The following HDAC9 variants were observed in gnomAD, a reference collection of about 807,000 sequenced individuals.
HDAC9 encodes the protein histone deacetylase 9.
A neutral mutation model predicts 139.4 loss-of-function variants in HDAC9; 41 were observed. The observed-to-expected ratio is 0.29, with a 90% CI of 0.23 to 0.38. The LOEUF (loss-of-function observed/expected upper bound fraction) is 0.38. Among genes scored for constraint, HDAC9 ranks in the 10% least tolerant of loss-of-function variants. The probability of loss-of-function intolerance (pLI) is 1.00; values close to 1 mark genes in which losing one functional copy is unlikely to be tolerated. For missense variants in HDAC9, 1,147 were observed against 1,297.0 expected (o/e 0.88, Z 1.78); for synonymous variants, 517 against 476.2 (o/e 1.09, Z -1.12).
chr7:18,801,980 T>C (rs1793334301), intron 17 of HDAC9, among the ~76,000 whole-genome samples: 1 of 151,954 alleles, frequency 6.6e-6, no homozygotes, highest in Non-Finnish European at 1.5e-5. Flanking sequence ...GTCAGAAGTT[T>C]GACAATTCTC....
intron 24 of HDAC9, among the ~76,000 whole-genome samples, chr7:18,965,989 T>C (rs1358669343): frequency 1.3e-5 from 2 of 152,200 alleles, no homozygotes; most frequent in African/African-American, 2.4e-5. Context: ...CAACATCTCA[T>C]CCAGATACTG....
intron 2 of HDAC9, among the ~76,000 whole-genome samples, chr7:18,279,671 G>A (rs28534513): frequency 0.39 from 58,949 of 151,434 alleles, 12,940 homozygotes; most frequent in Admixed American, 0.49. Flanking sequence ...TCACCATGTT[G>A]GCCAGGCTGG....
intron 2 of HDAC9, among the ~76,000 whole-genome samples, chr7:18,503,482 A>C (rs1798937479): frequency 6.6e-6 from 1 of 152,208 alleles, no homozygotes; most frequent in Admixed American, 6.5e-5. Context: ...AGTTGCTATG[A>C]TTCATGAATA....
At chr7:18,918,941 C>A (rs1178232329) in intron 22 of HDAC9, among the ~76,000 whole-genome samples, 1 of 151,976 alleles carries the variant, frequency 6.6e-6, no homozygotes, top group African/African-American at 2.4e-5. Context: ...GCCCAAGTTG[C>A]TTTTGTTTAG....
intron 13 of HDAC9, among the ~76,000 whole-genome samples, chr7:18,739,789 T>G (rs183037070): frequency 3.3e-5 from 5 of 152,272 alleles, no homozygotes; most frequent in Non-Finnish European, 7.4e-5. Context: ...GAGAACCACT[T>G]CTCTCTTCAG....
chr7:18,837,984 T>C (rs1294673847), intron 21 of HDAC9, among the ~76,000 whole-genome samples: 1 of 152,062 alleles, frequency 6.6e-6, no homozygotes, highest in Non-Finnish European at 1.5e-5. Context: ...GAAGTGGCAT[T>C]ATCTAGCTAG....
intron 2 of HDAC9, among the ~76,000 whole-genome samples, chr7:18,573,814 C>G (rs1825081474): frequency 6.6e-6 from 1 of 152,146 alleles, no homozygotes; most frequent in African/African-American, 2.4e-5. Context: ...CTTGGAGATG[C>G]CTGGAACCAC....
intron 1 of HDAC9, among the ~76,000 whole-genome samples, chr7:18,383,286 T>G (rs1785602918): frequency 6.6e-6 from 1 of 152,234 alleles, no homozygotes; most frequent in African/African-American, 2.4e-5. Context: ...ACAGTTACCT[T>G]CTTTCCCCAT....
At chr7:18,810,828 C>A (rs1333998173) in intron 17 of HDAC9, among the ~76,000 whole-genome samples, 1 of 151,780 alleles carries the variant, frequency 6.6e-6, no homozygotes, top group Non-Finnish European at 1.5e-5. Flanking sequence ...TACATCCATG[C>A]TCTTGCATGG....
chr7:18,138,425 G>A lies in HDAC9; in HGVS notation c.-96-23804G>A, dbSNP rs1257774247. On this transcript the variant is annotated intron_variant, in intron 1 of 12. Transcript: ENST00000417496. ...GGTGTAAGAAGGGTTTAGAACTCCT[G>A]GTTTTAGGAGATGGAGGGAGTGTGG... is the stretch of plus-strand genomic sequence containing the variant. 2.6e-5 allele frequency among the ~76,000 whole-genome samples: 4 copies of A among 152,022 alleles called. No homozygotes were observed. The East Asian group carries it at 7.7e-4, about 29-fold the overall frequency.
At chr7:18,520,425 C>G (rs1201909673) in intron 2 of HDAC9, among the ~76,000 whole-genome samples, 1 of 152,058 alleles carries the variant, frequency 6.6e-6, no homozygotes, top group East Asian at 1.9e-4. Context: ...GAAAATTTTT[C>G]TGAATAATTA....
At chr7:18,134,690 A>G (rs1403217205) in intron 1 of HDAC9, among the ~76,000 whole-genome samples, 1 of 152,144 alleles carries the variant, frequency 6.6e-6, no homozygotes, top group Non-Finnish European at 1.5e-5. Flanking sequence ...CCTCATCTCC[A>G]TGCCCGTTCT....
chr7:18,877,913 C>T (rs1235005954), intron 22 of HDAC9, among the ~76,000 whole-genome samples: 1 of 152,122 alleles, frequency 6.6e-6, no homozygotes, highest in African/African-American at 2.4e-5. Context: ...TTTTAATCAA[C>T]AATCTGAATT....
intron 2 of HDAC9, among the ~76,000 whole-genome samples, chr7:18,245,486 G>A (rs1794464791): frequency 6.6e-6 from 1 of 152,086 alleles, no homozygotes; most frequent in Non-Finnish European, 1.5e-5. Flanking sequence ...TACTCAGGAG[G>A]CTGAGGCGGG....
chr7:18,613,419 A>C (rs1554281015), intron 6 of HDAC9, among the ~76,000 whole-genome samples: 1 of 152,124 alleles, frequency 6.6e-6, no homozygotes, highest in Non-Finnish European at 1.5e-5. Context: ...GAGCGGATTA[A>C]GGGACATTTT....
intron 7 of HDAC9, among the ~76,000 whole-genome samples, 189 bp downstream of exon 7, chr7:18,629,670 G>T (rs1438231961): frequency 2.6e-5 from 4 of 152,030 alleles, no homozygotes. Flanking sequence ...TGTTAAACAG[G>T]AAATGAATGA....
At chr7:18,683,804 T>C (rs533437832) in intron 12 of HDAC9, among the ~76,000 whole-genome samples, 7 of 152,140 alleles carry the variant, frequency 4.6e-5, no homozygotes, top group East Asian at 3.9e-4. Flanking sequence ...GTCTGAGATA[T>C]TGGGAGTTGA....
chr7:18,549,641 G>A (rs1816419985), intron 2 of HDAC9, among the ~76,000 whole-genome samples: 1 of 152,032 alleles, frequency 6.6e-6, no homozygotes, highest in Admixed American at 6.5e-5. Flanking sequence ...TATTATATAA[G>A]ATGTAACCAT....
chr7:18,317,093 CAAAATAAA>C (rs1207669089), intron 1 of HDAC9, among the ~76,000 whole-genome samples: 11 of 107,058 alleles, frequency 1.0e-4, no homozygotes, highest in Non-Finnish European at 1.8e-4. Context: ...GACTCTGTCT[CAAAATAAA>C]TAAATAAATA....
Sources: gnomAD v4.1 joint callset for allele counts (sites outside exome capture counted in the v4.1 genomes callset) on GRCh38, gnomAD v4.1.1 for gene constraint, MANE v1.5 for transcripts, NCBI Gene and HGNC (gene_info 2026-07-23, HGNC 2026-07-21) for gene names.